The following SF3A1 variants were observed in gnomAD, a reference collection of about 807,000 sequenced individuals.
SF3A1 encodes SAP 114.
Under a neutral mutation model 89.9 loss-of-function variants are expected in SF3A1, and 13 were observed. The observed-to-expected ratio is 0.14, with a 90% CI of 0.09 to 0.23. The LOEUF (loss-of-function observed/expected upper bound fraction) is 0.23, where lower values mean the gene tolerates loss of function less well. SF3A1 is among the 10% of genes least tolerant of loss of function. The pLI is 1.00. For missense variants in SF3A1, 604 were observed against 1,022.1 expected (o/e 0.59, Z 5.58); for synonymous variants, 405 against 374.4 (o/e 1.08, Z -0.94).
chr22:30,342,758 A>C, intron 5 of SF3A1, 47 bp downstream of exon 5: 2 of 1,225,886 alleles, frequency 1.6e-6, no homozygotes, highest in Non-Finnish European at 2.4e-6. Flanking sequence ...GACATAAAAC[A>C]GAACCAACCA....
At chr22:30,352,088 A>G (rs1021173357) in intron 2 of SF3A1, among the ~76,000 whole-genome samples, 2 of 151,894 alleles carry the variant, frequency 1.3e-5, no homozygotes, top group African/African-American at 2.4e-5. Context: ...AGGAACCCGG[A>G]GCAATTCCCA....
intron 2 of SF3A1, 115 bp from the exon 3 acceptor site, chr22:30,346,634 T>G (rs740221): frequency 0.62 from 723,366 of 1,166,280 alleles, 230,951 homozygotes; most frequent in African/African-American, 0.84. Flanking sequence ...AACCAGCCCA[T>G]CCCTCAGCAG....
intron 7 of SF3A1, 119 bp from the exon 8 acceptor site, chr22:30,340,931 C>T: frequency 3.0e-6 from 2 of 666,944 alleles, no homozygotes; most frequent in South Asian, 1.8e-5. Flanking sequence ...CGTCCATGTG[C>T]TAAGCCTCCC....
At chr22:30,341,950 C>T in intron 6 of SF3A1, 65 bp from the exon 7 acceptor site, 1 of 1,500,822 alleles carries the variant, frequency 6.7e-7, no homozygotes. Context: ...CCTGTCTGAG[C>T]TCCCCAAGGG....
In SF3A1 at chr22:30,337,687, G is replaced by A; in HGVS notation, c.1951+3C>T. The A allele has an allele frequency of 1.1e-6, 1 of 909,498 alleles. No individual in the cohort carries two copies. Among genetic ancestry groups the A allele is most frequent in the South Asian group, 1.4e-5 (1 of 72,602 alleles). 56.3% of individuals were successfully genotyped at this position (909,498 alleles called of 1,614,324 possible). A position where few individuals can be genotyped will look rare whatever the true frequency, so the allele number is the denominator to read the frequency against. ...CCTGGAAAATGATGCAAGAGATACT[G>A]ACCTGTTGGCACAATCATGGGGGGT... On this transcript the variant is annotated splice_donor_region_variant and intron_variant, in intron 12 of 15. Coordinates refer to ENST00000215793, the MANE Select transcript of SF3A1 (RefSeq NM_005877.6).
intron 11 of SF3A1, 123 bp from the exon 12 acceptor site, chr22:30,338,020 CT>C: frequency 1.3e-6 from 1 of 747,104 alleles, no homozygotes; most frequent in Non-Finnish European, 2.4e-6. Flanking sequence ...TCCTGGCCCC[CT>C]GGGACTGAGA....
chr22:30,342,052 A>G, intron 6 of SF3A1, 148 bp downstream of exon 6: 1 of 1,174,010 alleles, frequency 8.5e-7, no homozygotes, highest in Non-Finnish European at 1.2e-6. Context: ...GCAAAGTGGT[A>G]GAACTGAAGT....
rs767376450 is a variant in SF3A1, at chr22:30,341,742, C to T, written c.1021G>A (p.Glu341Lys). ...TCCTGGTCCAGCTGGGAAGGAGGCT[C>T]CTCCGCCTTCTCCTGTTTGTCATCC... ...EEDDKQEKAE[E>K]PPSQLDQDTQ... The change falls in exon 7 of 16, where the codon GAG (glutamate) becomes AAG (lysine). Residue 341 changes from glutamate (E) to lysine (K), a missense_variant. By Grantham distance (56) the Glu-to-Lys change is moderately conservative (BLOSUM62 1). Transcript: ENST00000215793. 2.5e-6 allele frequency: 4 copies of T among 1,614,138 alleles called. No homozygotes were observed. The highest frequency in any genetic ancestry group is 1.1e-5 in the South Asian group (1 of 91,084).
At chr22:30,341,207 C>A (rs1311465727) in intron 7 of SF3A1, among the ~76,000 whole-genome samples, 1 of 152,170 alleles carries the variant, frequency 6.6e-6, no homozygotes, top group African/African-American at 2.4e-5. Context: ...AGACAGGGGC[C>A]CTTTCTTCTC....
At position 30,338,975 on chromosome 22, in the gene SF3A1, G is replaced by A. The variant is rs1931165056; in HGVS notation, c.1557C>T (p.Asn519=). 1 of 1,614,226 alleles carries A rather than the reference G, an allele frequency of 6.2e-7. No individual in the cohort carries two copies. Among genetic ancestry groups the A allele is most frequent in the Non-Finnish European group, 8.5e-7 (1 of 1,180,042 alleles). The change falls in exon 11 of 16, where the codon AAC becomes AAT. Residue 519 remains asparagine, a synonymous_variant. Coordinates refer to ENST00000215793, the MANE Select transcript of SF3A1 (RefSeq NM_005877.6). The part of the protein sequence containing the change: ...MARTQQAAQA[N]ITLQEQIEAI... Reference sequence around the variant, plus strand: ...CCTCAATCTGCTCCTGGAGGGTGATGTTGGCCTGGGCAGCCTGCTGGGTCC... The same window carrying A: ...CCTCAATCTGCTCCTGGAGGGTGATATTGGCCTGGGCAGCCTGCTGGGTCC...
chr22:30,336,606 A>G (rs1931074352), intron 13 of SF3A1, among the ~76,000 whole-genome samples: 1 of 152,150 alleles, frequency 6.6e-6, no homozygotes. Context: ...CAGGACCCCA[A>G]CAGGATCCCA....
rs1272070776 is a variant in SF3A1, at chr22:30,333,444, C to T, written c.*1150G>A. 1 of 152,242 alleles carries T rather than the reference C, an allele frequency of 6.6e-6. No individual in the cohort carries two copies. Among genetic ancestry groups the T allele is most frequent in the African/African-American group, 2.4e-5 (1 of 41,460 alleles). 9.4% of individuals were successfully genotyped at this position (152,242 alleles called of 1,614,324 possible). On this transcript the variant is annotated 3_prime_UTR_variant, in exon 16 of 16. Transcript: ENST00000215793. Reference sequence around the variant, plus strand: ...AATAAAATCAGCCTTAGCTTTAAAACCAGGAAATTGTTAGCAACAGGCTCT... The same window carrying T: ...AATAAAATCAGCCTTAGCTTTAAAATCAGGAAATTGTTAGCAACAGGCTCT...
intron 9 of SF3A1, among the ~76,000 whole-genome samples, chr22:30,339,529 G>A (rs1000613153): frequency 1.3e-5 from 2 of 152,220 alleles, no homozygotes; most frequent in Admixed American, 1.3e-4. Context: ...CAAGGCAGGA[G>A]GATCACATCT....
chr22:30,354,038 T>C (rs947571705), intron 1 of SF3A1, among the ~76,000 whole-genome samples: 3 of 152,260 alleles, frequency 2.0e-5, no homozygotes, highest in African/African-American at 7.2e-5. Context: ...TCTACTCCAC[T>C]GTCTTAACCA....
rs143808667 is a variant in SF3A1, at chr22:30,340,502, C to T, written c.1190-121G>A. 3.7e-6 allele frequency: 4 copies of T among 1,080,462 alleles called. No homozygotes were observed. The East Asian group carries it at 9.5e-5, about 26-fold the overall frequency. 66.9% of individuals were successfully genotyped at this position (1,080,462 alleles called of 1,614,324 possible). On this transcript the variant is annotated intron_variant, in intron 8 of 15. Coordinates refer to ENST00000215793, the MANE Select transcript of SF3A1 (RefSeq NM_005877.6). ...TATTCAGTGCCACTCTTGTACCTGG[C>T]ACTGTGAAAGGCACTAGGGCACCAG...
chr22:30,345,325 A>T, intron 3 of SF3A1, 135 bp from the exon 4 acceptor site: 1 of 770,630 alleles, frequency 1.3e-6, no homozygotes, highest in South Asian at 1.8e-5. Flanking sequence ...TTATGCACAC[A>T]CCACTAGCAC....
rs144046640 is a variant in SF3A1, at chr22:30,346,445, T to C, written c.260A>G (p.Asn87Ser). 395 of 1,614,110 alleles carry C rather than the reference T, an allele frequency of 2.4e-4. No homozygotes were observed. Among genetic ancestry groups the C allele is most frequent in the South Asian group, 1.4e-3 (127 of 91,070 alleles). Residue 87 changes from asparagine to serine, a missense_variant, in exon 3 of 16, where the codon AAT becomes AGT. Asn to Ser is a conservative substitution (Grantham distance 46). Transcript: ENST00000215793. ...GCGGTAGTAGGCATGGTAAGGGTCA[T>C]TGGGGTTCAGAAAGTTGAACTTGGG... ...NNPKFNFLNPNDPYHAYYRHK... is the reference protein window; with the variant it reads ...NNPKFNFLNPSDPYHAYYRHK...
intron 15 of SF3A1, 28 bp downstream of exon 15, chr22:30,335,439 G>C (rs769983030): frequency 6.9e-6 from 11 of 1,599,270 alleles, no homozygotes; most frequent in Non-Finnish European, 9.4e-6. Context: ...AGGACCCAAG[G>C]GACAGGTCTG....
At chr22:30,346,594 A>T in intron 2 of SF3A1, 75 bp from the exon 3 acceptor site, 1 of 1,541,760 alleles carries the variant, frequency 6.5e-7, no homozygotes, top group Non-Finnish European at 8.9e-7. Context: ...TGCCCATTGG[A>T]ACGTCCTTCT....
Sources: allele counts gnomAD v4.1 joint callset (sites outside exome capture counted in the v4.1 genomes callset), GRCh38; gene constraint gnomAD v4.1.1; transcripts MANE v1.5; gene names NCBI Gene and HGNC (gene_info 2026-07-23, HGNC 2026-07-21).